The following DEFB125 variants were observed in gnomAD, a reference collection of about 807,000 sequenced individuals.
DEFB125 encodes beta-defensin 125.
DEFB125 carries 11 observed loss-of-function variants against 11.8 expected under a neutral mutation model. That is an observed-to-expected ratio of 0.94 (90% CI 0.59 to 1.55). DEFB125 has a LOEUF of 1.55. Among genes scored for constraint, DEFB125 ranks in the 40% most tolerant of loss-of-function variants. The pLI is 0.00. For missense variants in DEFB125, 198 were observed against 191.2 expected (o/e 1.04, Z -0.21); for synonymous variants, 79 against 66.7 (o/e 1.18, Z -0.90).
At chr20:91,406 T>C (rs911561016) in intron 1 of DEFB125, among the ~76,000 whole-genome samples, 1 of 152,228 alleles carries the variant, frequency 6.6e-6, no homozygotes, top group Admixed American at 6.5e-5. Flanking sequence ...TCCTGAAGTG[T>C]TTCCCTAATG....
At chr20:92,823 A>C (rs1161906624) in intron 1 of DEFB125, among the ~76,000 whole-genome samples, 2 of 152,056 alleles carry the variant, frequency 1.3e-5, no homozygotes, top group African/African-American at 4.8e-5. Flanking sequence ...TCAAATAGGA[A>C]GTTTTCACTC....
At chr20:93,358 T>C (rs1405774431) in intron 1 of DEFB125, among the ~76,000 whole-genome samples, 1 of 152,176 alleles carries the variant, frequency 6.6e-6, no homozygotes, top group Non-Finnish European at 1.5e-5. Flanking sequence ...AACCTTACAT[T>C]GCTCTCTAAC....
At chr20:89,459 A>C (rs1458180670) in intron 1 of DEFB125, among the ~76,000 whole-genome samples, 1 of 152,074 alleles carries the variant, frequency 6.6e-6, no homozygotes, top group East Asian at 1.9e-4. Flanking sequence ...CATACTTATA[A>C]ATTTTCTATT....
At chr20:92,872 T>C (rs1469783455) in intron 1 of DEFB125, among the ~76,000 whole-genome samples, 1 of 152,132 alleles carries the variant, frequency 6.6e-6, no homozygotes, top group Non-Finnish European at 1.5e-5. Flanking sequence ...GAGAAACGTG[T>C]CTTCTCCATC....
At position 96,870 on chromosome 20, in the gene DEFB125, T is replaced by C. The variant is rs1378199345; in HGVS notation, c.*453T>C. 3.2e-5 allele frequency: 5 copies of C among 156,260 alleles called. No homozygotes were observed. Among genetic ancestry groups the C allele is most frequent in the Admixed American group, 1.9e-4 (3 of 15,992 alleles). The allele number at this position is 156,260 out of a possible 1,614,324, so 9.7% of individuals were successfully genotyped here. On this transcript the variant is annotated 3_prime_UTR_variant, in exon 2 of 2. Transcript: ENST00000382410. ...ATAAAAGCATATAGAAAGTTCCAGATGAATGTTCCCTTCTCTACCCTCCAC... is the reference window on the plus strand; with the variant it reads ...ATAAAAGCATATAGAAAGTTCCAGACGAATGTTCCCTTCTCTACCCTCCAC...
Position 96,345 on chromosome 20 carries a change from T to A in DEFB125, c.399T>A (p.Thr133=). 2 of 1,613,214 alleles carry A rather than the reference T, an allele frequency of 1.2e-6. No individual in the cohort carries two copies. Among genetic ancestry groups the A allele is most frequent in the Admixed American group, 1.7e-5 (1 of 59,986 alleles). The change falls in exon 2 of 2, where the codon ACT becomes ACA. Residue 133 remains threonine (T), a synonymous_variant. Transcript: ENST00000382410. Reference sequence around the variant, plus strand: ...CTGAGGCCACTACTCCCGAGACTACTATGCCACCATCTGAGACTGCTACTT... The same window carrying A: ...CTGAGGCCACTACTCCCGAGACTACAATGCCACCATCTGAGACTGCTACTT... ...PPSEATTPET[T]MPPSETATSE...
chr20:93,112 A>C (rs1397271366), intron 1 of DEFB125, among the ~76,000 whole-genome samples: 1 of 151,972 alleles, frequency 6.6e-6, no homozygotes, highest in East Asian at 1.9e-4. Context: ...CTGGGACTAC[A>C]GGTGCTCGCC....
In DEFB125 at chr20:90,803, C is replaced by T. The variant is rs528633005; in HGVS notation, c.58+3036C>T. Among the ~76,000 whole-genome samples the T allele has an allele frequency of 1.4e-4, 21 of 152,236 alleles. No homozygotes were observed. The East Asian group carries it at 4.1e-3, about 29-fold the overall frequency. On this transcript the variant is annotated intron_variant, in intron 1 of 1. Transcript: ENST00000382410. ...TATCAGACTTACTCAACCCATAGAG[C>T]TTTGTTTGTTTCCTCTGCCTAGAAT...
intron 1 of DEFB125, among the ~76,000 whole-genome samples, chr20:93,877 T>C (rs1466683821): frequency 6.6e-6 from 1 of 152,120 alleles, no homozygotes; most frequent in Non-Finnish European, 1.5e-5. Flanking sequence ...GAGCCTCATG[T>C]AGAATAACTT....
At chr20:94,322 A>G (rs1286740510) in intron 1 of DEFB125, among the ~76,000 whole-genome samples, 1 of 152,098 alleles carries the variant, frequency 6.6e-6, no homozygotes, top group Non-Finnish European at 1.5e-5. Context: ...AATGATTGTT[A>G]ACTACCGTCA....
intron 1 of DEFB125, among the ~76,000 whole-genome samples, chr20:94,124 T>C (rs542275533): frequency 4.6e-5 from 7 of 152,280 alleles, no homozygotes; most frequent in Non-Finnish European, 8.8e-5. Context: ...TATTTTTTCT[T>C]CTACTTTTAG....
At chr20:90,892 C>CCTA (rs2054493835) in intron 1 of DEFB125, among the ~76,000 whole-genome samples, 1 of 152,182 alleles carries the variant, frequency 6.6e-6, no homozygotes, top group African/African-American at 2.4e-5. Flanking sequence ...TAATCATCAC[C>CCTA]TTGTTACACA....
Position 95,990 on chromosome 20 carries a change from T to TTTTATTCTCTATTTATTCTCTA in DEFB125, c.59-4_59-3insTTTATTCTCTATTTATTCTCTA. 1 of 1,555,756 alleles carries TTTTATTCTCTATTTATTCTCTA rather than the reference T, an allele frequency of 6.4e-7. No homozygotes were observed. Among genetic ancestry groups the TTTTATTCTCTATTTATTCTCTA allele is most frequent in the South Asian group, 1.2e-5 (1 of 81,954 alleles). ...GCCAGAGTTAAAAATTTGACCTATA[T>TTTTATTCTCTATTTATTCTCTA]TTTATTCTCTACAGGTAGCTTTGAA... On this transcript the variant is annotated splice_polypyrimidine_tract_variant and intron_variant, in intron 1 of 1. Coordinates refer to ENST00000382410, the MANE Select transcript of DEFB125 (RefSeq NM_153325.4).
At chr20:91,702 T>C (rs2054496740) in intron 1 of DEFB125, among the ~76,000 whole-genome samples, 1 of 152,122 alleles carries the variant, frequency 6.6e-6, no homozygotes, top group East Asian at 1.9e-4. Context: ...AGAAACAATT[T>C]TGAAGAATAA....
At chr20:92,728 C>T (rs184708997) in intron 1 of DEFB125, among the ~76,000 whole-genome samples, 112 of 152,118 alleles carry the variant, frequency 7.4e-4, no homozygotes, top group African/African-American at 2.7e-3. Flanking sequence ...TTGTCCTGAC[C>T]TTTATTTGTC....
intron 1 of DEFB125, among the ~76,000 whole-genome samples, chr20:95,383 T>C (rs1043029603): frequency 2.0e-5 from 3 of 152,206 alleles, no homozygotes; most frequent in African/African-American, 7.2e-5. Flanking sequence ...AGCAATCACA[T>C]TTATTGATTT....
chr20:94,443 A>G (rs2054507366), intron 1 of DEFB125, among the ~76,000 whole-genome samples: 1 of 151,968 alleles, frequency 6.6e-6, no homozygotes, highest in South Asian at 2.1e-4. Context: ...TCAGGATGAA[A>G]CTGTTCCACC....
chr20:90,005 G>A (rs1047243294), intron 1 of DEFB125, among the ~76,000 whole-genome samples: 2 of 152,122 alleles, frequency 1.3e-5, no homozygotes, highest in Admixed American at 6.6e-5. Context: ...GGCTTGTGAA[G>A]CAACTTTTTA....
At chr20:89,801 T>G (rs2054489885) in intron 1 of DEFB125, among the ~76,000 whole-genome samples, 1 of 152,080 alleles carries the variant, frequency 6.6e-6, no homozygotes, top group South Asian at 2.1e-4. Context: ...TTCAAATACA[T>G]GCTTAATGTA....
Sources: allele counts gnomAD v4.1 joint callset (sites outside exome capture counted in the v4.1 genomes callset), GRCh38; gene constraint gnomAD v4.1.1; transcripts MANE v1.5; gene names NCBI Gene and HGNC (gene_info 2026-07-23, HGNC 2026-07-21).